The following WASF2 variants were observed in gnomAD, a reference collection of about 807,000 sequenced individuals.
WASF2 encodes WASP family member 2, also known as actin-binding protein WASF2.
WASF2 carries 14 observed loss-of-function variants against 45.0 expected under a neutral mutation model. The observed-to-expected ratio is 0.31, with a 90% CI of 0.21 to 0.49. WASF2 has a LOEUF of 0.49. Ranked by LOEUF, WASF2 falls within the 20% of genes least tolerant of loss-of-function variation. WASF2 has a pLI of 0.99. For missense variants in WASF2, 439 were observed against 636.1 expected, an observed-to-expected ratio of 0.69 and a Z score of 3.33; for synonymous variants, 200 against 236.3, an observed-to-expected ratio of 0.85 and a Z score of 1.41.
intron 2 of WASF2, among the ~76,000 whole-genome samples, chr1:27,420,511 G>A (rs2016891246): frequency 7.6e-6 from 1 of 131,402 alleles, no homozygotes; most frequent in Non-Finnish European, 1.6e-5. Context: ...TATACCATCT[G>A]AGCTTTTTTT....
Position 27,428,750 on chromosome 1 carries a change from G to A in WASF2, c.130+11C>T, listed in dbSNP as rs146008584. On this transcript the variant is annotated intron_variant, in intron 2 of 8. Coordinates refer to ENST00000618852, the MANE Select transcript of WASF2 (RefSeq NM_006990.5). ...CCTGAGGGCAAAGCACAGGCTCTCTGAGGCACTCACTCAGGCTGCCCAGCT... is the reference window on the plus strand; with the variant it reads ...CCTGAGGGCAAAGCACAGGCTCTCTAAGGCACTCACTCAGGCTGCCCAGCT... 5,106 of 1,614,130 alleles carry A rather than the reference G, an allele frequency of 3.2e-3. 100 individuals are homozygous for A. Among genetic ancestry groups the A allele is most frequent in the East Asian group, 0.016 (715 of 44,876 alleles).
intron 1 of WASF2, among the ~76,000 whole-genome samples, chr1:27,471,879 C>T (rs929286360): frequency 6.6e-6 from 1 of 152,150 alleles, no homozygotes; most frequent in African/African-American, 2.4e-5. Flanking sequence ...AAAATATATA[C>T]TAAACACATC....
At chr1:27,421,802 C>T (rs541130656) in intron 2 of WASF2, among the ~76,000 whole-genome samples, 77 of 150,510 alleles carry the variant, frequency 5.1e-4, no homozygotes, top group Non-Finnish European at 9.0e-4. Flanking sequence ...GGTGAGACAG[C>T]GAGACTCCAT....
intron 1 of WASF2, among the ~76,000 whole-genome samples, chr1:27,454,180 TATATA>T (rs1475472828): frequency 1.3e-3 from 11 of 8,764 alleles, no homozygotes; most frequent in South Asian, 6.6e-3. Context: ...TATATATATA[TATATA>T]TATTTTTTTT....
chr1:27,449,584 G>A (rs987460942), intron 1 of WASF2, among the ~76,000 whole-genome samples: 2 of 151,406 alleles, frequency 1.3e-5, no homozygotes, highest in African/African-American at 4.9e-5. Flanking sequence ...GGGCAACAGA[G>A]CGAGACTCCA....
chr1:27,438,917 T>C (rs2017172596), intron 1 of WASF2, among the ~76,000 whole-genome samples: 1 of 152,250 alleles, frequency 6.6e-6, no homozygotes. Context: ...AAAGGGCAGC[T>C]GTACATCTAC....
intron 3 of WASF2, 83 bp downstream of exon 3, chr1:27,418,867 GTTTT>G: frequency 9.1e-7 from 1 of 1,099,196 alleles, no homozygotes; most frequent in Non-Finnish European, 1.3e-6. Context: ...CTCTCCTCAC[GTTTT>G]TTTTTTTTTA....
At chr1:27,481,769 G>T (rs1472764239) in intron 1 of WASF2, among the ~76,000 whole-genome samples, 1 of 152,078 alleles carries the variant, frequency 6.6e-6, no homozygotes, top group African/African-American at 2.4e-5. Context: ...TGTTCAAATG[G>T]AATTAATCTT....
chr1:27,413,573 C>A (rs538402159), intron 6 of WASF2, among the ~76,000 whole-genome samples: 6 of 152,266 alleles, frequency 3.9e-5, no homozygotes, highest in African/African-American at 1.4e-4. Context: ...AGGCCTGGAG[C>A]CCTGGAGCCT....
chr1:27,442,742 C>T (rs556436073), intron 1 of WASF2, among the ~76,000 whole-genome samples: 39 of 151,782 alleles, frequency 2.6e-4, no homozygotes, highest in Non-Finnish European at 4.0e-4. Context: ...GTGGCTCATA[C>T]CCATAATCCC....
intron 5 of WASF2, among the ~76,000 whole-genome samples, chr1:27,415,214 G>A (rs543170013): frequency 6.6e-6 from 1 of 152,098 alleles, no homozygotes; most frequent in South Asian, 2.1e-4. Context: ...TTCCTCTTTG[G>A]ATAACTCATT....
chr1:27,482,055 A>C (rs2017858957), intron 1 of WASF2, among the ~76,000 whole-genome samples: 1 of 152,240 alleles, frequency 6.6e-6, no homozygotes, highest in Non-Finnish European at 1.5e-5. Context: ...TCATTTGCAT[A>C]AATGGTAACT....
intron 1 of WASF2, among the ~76,000 whole-genome samples, chr1:27,452,408 G>C (rs1221657347): frequency 6.6e-6 from 1 of 152,166 alleles, no homozygotes; most frequent in Non-Finnish European, 1.5e-5. Flanking sequence ...AACTACTTGG[G>C]AAACTGAGGC....
At chr1:27,475,563 C>A (rs974446983) in intron 1 of WASF2, among the ~76,000 whole-genome samples, 11 of 152,210 alleles carry the variant, frequency 7.2e-5, no homozygotes, top group African/African-American at 2.7e-4. Flanking sequence ...CTATTACTCT[C>A]TATTATAGCA....
chr1:27,446,890 T>C (rs901009603), intron 1 of WASF2, among the ~76,000 whole-genome samples: 4 of 152,168 alleles, frequency 2.6e-5, no homozygotes, highest in African/African-American at 9.7e-5. Context: ...GGACCACCCG[T>C]GAGCATTCTT....
At position 27,433,078 on chromosome 1, in the gene WASF2, A is replaced by T. The variant is rs12143474; in HGVS notation, c.-43-4145T>A. Among the ~76,000 whole-genome samples the T allele has an allele frequency of 9.4e-3, 1,426 of 152,332 alleles. 9 individuals carry two copies. Among genetic ancestry groups the T allele is most frequent in the Non-Finnish European group, 0.016 (1,069 of 68,030 alleles). On this transcript the variant is annotated intron_variant, in intron 1 of 8. Transcript: ENST00000618852. Reference sequence around the variant, plus strand: ...ATACCCGGGCCCCTCATTGATAAATATTTAAAAATACTTTTAACCATAGAC... The same window carrying T: ...ATACCCGGGCCCCTCATTGATAAATTTTTAAAAATACTTTTAACCATAGAC...
intron 1 of WASF2, among the ~76,000 whole-genome samples, chr1:27,468,430 C>T (rs966478193): frequency 2.7e-5 from 4 of 149,898 alleles, no homozygotes; most frequent in African/African-American, 9.8e-5. Flanking sequence ...CACCTGAGGT[C>T]AGGAGTTAGA....
chr1:27,465,698 G>A (rs111478493), intron 1 of WASF2, among the ~76,000 whole-genome samples: 6,181 of 152,230 alleles, frequency 0.041, 166 homozygotes, highest in Middle Eastern at 0.078. Context: ...GGCAGATTAC[G>A]GTACTAAATC....
At chr1:27,457,391 C>G (rs1366364130) in intron 1 of WASF2, 1 of 151,954 alleles carries the variant, frequency 6.6e-6, no homozygotes, top group Non-Finnish European at 1.5e-5. Context: ...GCCTGGACAA[C>G]ATGATATAAC....
Sources: allele counts gnomAD v4.1 joint callset (sites outside exome capture counted in the v4.1 genomes callset), GRCh38; gene constraint gnomAD v4.1.1; transcripts MANE v1.5; gene names NCBI Gene and HGNC (gene_info 2026-07-23, HGNC 2026-07-21).